Variants in SOX5 observed in about 807,000 individuals in gnomAD.
The protein encoded by SOX5 is transcription factor SOX-5.
SOX5 carries 9 observed loss-of-function variants against 92.0 expected under a neutral mutation model. That is an observed-to-expected ratio of 0.10 (90% CI 0.06 to 0.17). The LOEUF (loss-of-function observed/expected upper bound fraction) is 0.17, where lower values mean the gene tolerates loss of function less well. Ranked by LOEUF, SOX5 falls within the 10% of genes least tolerant of loss-of-function variation. The pLI is 1.00. For missense variants in SOX5, 642 were observed against 944.5 expected, an observed-to-expected ratio of 0.68 and a Z score of 4.20; for synonymous variants, 344 against 336.3, an observed-to-expected ratio of 1.02 and a Z score of -0.25.
At chr12:24,100,465 G>C (rs1189643905) in intron 4 of SOX5, among the ~76,000 whole-genome samples, 2 of 151,930 alleles carry the variant, frequency 1.3e-5, no homozygotes, top group Admixed American at 1.3e-4. Context: ...CTCCTCTCCT[G>C]GGCTTCCTCC....
At chr12:24,308,923 T>A (rs540010569) in intron 2 of SOX5, among the ~76,000 whole-genome samples, 37 of 152,186 alleles carry the variant, frequency 2.4e-4, no homozygotes, top group Admixed American at 1.6e-3. Flanking sequence ...TATTATTGGA[T>A]TCTTCAGGTG....
chr12:23,571,329 C>T (rs1030906493), intron 10 of SOX5, among the ~76,000 whole-genome samples: 2 of 151,958 alleles, frequency 1.3e-5, no homozygotes, highest in African/African-American at 4.8e-5. Flanking sequence ...GCATTTACTA[C>T]ATTTGCTCAG....
intron 4 of SOX5, among the ~76,000 whole-genome samples, chr12:24,112,760 T>C (rs1055678253): frequency 1.3e-5 from 2 of 151,804 alleles, no homozygotes; most frequent in African/African-American, 4.8e-5. Flanking sequence ...GGTCTCGAAC[T>C]CCTGGGCTCA....
chr12:23,875,848 A>G (rs1040699787), intron 2 of SOX5, among the ~76,000 whole-genome samples: 1 of 152,246 alleles, frequency 6.6e-6, no homozygotes, highest in Non-Finnish European at 1.5e-5. Context: ...AATATAAACC[A>G]GAAGTCTGCA....
chr12:24,100,299 C>T (rs1945929975), intron 4 of SOX5, among the ~76,000 whole-genome samples: 1 of 152,146 alleles, frequency 6.6e-6, no homozygotes, highest in Admixed American at 6.6e-5. Context: ...TTCCAAACCA[C>T]CCAACTCTTT....
At chr12:23,804,898 A>G (rs1451869465) in intron 3 of SOX5, among the ~76,000 whole-genome samples, 1 of 129,104 alleles carries the variant, frequency 7.7e-6, no homozygotes, top group Non-Finnish European at 1.6e-5. Context: ...CATTTTCTCT[A>G]TTTACCTATC....
At chr12:24,529,732 A>G (rs1951008805) in intron 1 of SOX5, among the ~76,000 whole-genome samples, 1 of 152,208 alleles carries the variant, frequency 6.6e-6, no homozygotes, top group Non-Finnish European at 1.5e-5. Flanking sequence ...TTAAAAAGCC[A>G]TACAAGGCTG....
At chr12:24,029,054 A>T (rs546201786) in intron 4 of SOX5, among the ~76,000 whole-genome samples, 1 of 152,004 alleles carries the variant, frequency 6.6e-6, no homozygotes, top group Non-Finnish European at 1.5e-5. Flanking sequence ...TCTGATTAAT[A>T]ATAAGGACTA....
At chr12:24,257,485 C>T (rs1485718531) in intron 3 of SOX5, among the ~76,000 whole-genome samples, 1 of 138,696 alleles carries the variant, frequency 7.2e-6, no homozygotes, top group Non-Finnish European at 1.6e-5. Flanking sequence ...TTGTTTTTTT[C>T]TGAAACAGAA....
intron 8 of SOX5, among the ~76,000 whole-genome samples, chr12:23,635,082 G>T (rs1190946302): frequency 6.6e-6 from 1 of 152,140 alleles, no homozygotes; most frequent in Non-Finnish European, 1.5e-5. Context: ...AATGTGAGAA[G>T]GGAAATACAG....
chr12:23,584,063 T>C (rs550629779), intron 9 of SOX5, among the ~76,000 whole-genome samples: 12 of 152,210 alleles, frequency 7.9e-5, no homozygotes, highest in African/African-American at 2.6e-4. Context: ...TGAACCTAAA[T>C]GTACAAAATG....
intron 1 of SOX5, among the ~76,000 whole-genome samples, chr12:24,497,465 G>GT (rs1439192411): frequency 1.3e-5 from 2 of 152,126 alleles, no homozygotes; most frequent in Non-Finnish European, 2.9e-5. Flanking sequence ...TCATCCTAAT[G>GT]TTTTTTTAGA....
At chr12:24,031,566 AAT>A (rs1955514594) in intron 4 of SOX5, among the ~76,000 whole-genome samples, 1 of 151,780 alleles carries the variant, frequency 6.6e-6, no homozygotes, top group Admixed American at 6.6e-5. Context: ...CTGGTCAAAA[AAT>A]ATATTTTAAA....
At position 23,902,022 on chromosome 12, in the gene SOX5, T is replaced by C. The variant is rs149046107; in HGVS notation, c.39-5998A>G. ...CTTGAGAAAAATATTATAGCTCTAG[T>C]TAAAAATGTTATCTTTATTTAACAT... On this transcript the variant is annotated intron_variant, in intron 1 of 14. Transcript: ENST00000451604. 9.3e-4 allele frequency among the ~76,000 whole-genome samples: 142 copies of C among 152,300 alleles called. 3 individuals carry two copies. In the East Asian group the frequency reaches 0.026, roughly 28 times the overall value.
At chr12:24,497,750 A>C (rs1346977863) in intron 1 of SOX5, among the ~76,000 whole-genome samples, 1 of 152,168 alleles carries the variant, frequency 6.6e-6, no homozygotes, top group Non-Finnish European at 1.5e-5. Flanking sequence ...ACATGCATGC[A>C]TAAGTTCATT....
At chr12:24,112,022 A>T (rs1267423341) in intron 4 of SOX5, among the ~76,000 whole-genome samples, 2 of 152,204 alleles carry the variant, frequency 1.3e-5, no homozygotes, top group Non-Finnish European at 2.9e-5. Context: ...AAGCTTATCC[A>T]CTGTCATGAC....
chr12:24,164,062 A>G (rs1953094435), intron 4 of SOX5, among the ~76,000 whole-genome samples: 1 of 152,142 alleles, frequency 6.6e-6, no homozygotes, highest in African/African-American at 2.4e-5. Context: ...TTGCCCATGG[A>G]ACAAATAATC....
intron 11 of SOX5, among the ~76,000 whole-genome samples, chr12:23,560,069 C>A (rs192535421): frequency 6.6e-6 from 1 of 152,180 alleles, no homozygotes; most frequent in East Asian, 1.9e-4. Flanking sequence ...ACCACCACAC[C>A]CGGGTAATTT....
At chr12:23,563,046 A>T (rs917332111) in intron 11 of SOX5, among the ~76,000 whole-genome samples, 5 of 152,224 alleles carry the variant, frequency 3.3e-5, no homozygotes, top group African/African-American at 1.2e-4. Context: ...ATTGTCAATA[A>T]GGTTTGGAGA....
Sources: allele counts gnomAD v4.1 joint callset (sites outside exome capture counted in the v4.1 genomes callset), GRCh38; gene constraint gnomAD v4.1.1; transcripts MANE v1.5; gene names NCBI Gene and HGNC (gene_info 2026-07-23, HGNC 2026-07-21).